TRIO: variants seen among roughly 807,000 people sequenced by gnomAD.
TRIO encodes the protein triple functional domain protein.
A neutral mutation model predicts 351.9 loss-of-function variants in TRIO; 58 were observed. The observed-to-expected ratio is 0.16, with a 90% confidence interval of 0.13 to 0.21. The LOEUF (loss-of-function observed/expected upper bound fraction) is 0.21, where lower values mean the gene tolerates loss of function less well. Among genes scored for constraint, TRIO ranks in the 10% least tolerant of loss-of-function variants. The pLI is 1.00. For synonymous variants in TRIO, 1,758 were observed against 1,595.7 expected (o/e 1.10, Z -2.42); for missense variants, 3,201 against 4,027.8 (o/e 0.79, Z 5.56).
At chr5:14,282,882 G>A (rs551963911) in intron 3 of TRIO, among the ~76,000 whole-genome samples, 16 of 152,264 alleles carry the variant, frequency 1.1e-4, no homozygotes, top group Admixed American at 2.0e-4. Context: ...CTCGATTAAT[G>A]AGCAAATAAG....
intron 1 of TRIO, among the ~76,000 whole-genome samples, chr5:14,204,809 T>G (rs1378908676): frequency 6.6e-6 from 1 of 152,182 alleles, no homozygotes; most frequent in Non-Finnish European, 1.5e-5. Flanking sequence ...TGACTCTGTT[T>G]CCTCACTGTA....
chr5:14,337,781 C>G (rs1432720041), intron 11 of TRIO, among the ~76,000 whole-genome samples: 1 of 152,112 alleles, frequency 6.6e-6, no homozygotes, highest in Non-Finnish European at 1.5e-5. Context: ...TGCAGGCTTC[C>G]CTCTGAAACC....
chr5:14,268,091 T>G (rs1278535718), intron 1 of TRIO, among the ~76,000 whole-genome samples: 1 of 152,200 alleles, frequency 6.6e-6, no homozygotes, highest in African/African-American at 2.4e-5. Context: ...TGAGTCTTCC[T>G]TAATTTGGGG....
Position 14,498,194 on chromosome 5 carries a change from G to C in TRIO, c.8153G>C (p.Trp2718Ser), listed in dbSNP as rs1369497590. Residue 2718 changes from tryptophan to serine, a missense_variant, in exon 52 of 57, where the codon TGG becomes TCG. This residue lies in a region of TRIO where 1,089 missense variants were observed against 954.9 expected (regional missense o/e 1.14). Coordinates refer to ENST00000344204, the MANE Select transcript of TRIO (RefSeq NM_007118.4). ...VCGRPKASIT[W>S]KGPEHNTLNN... ...GGCCGCCCCAAAGCCTCAATTACCT[G>C]GAAGGGCCCTGAACACAACACCTTG... 1 of 1,614,086 alleles carries C rather than the reference G, an allele frequency of 6.2e-7. No homozygotes were observed. Among genetic ancestry groups the C allele is most frequent in the Non-Finnish European group, 8.5e-7 (1 of 1,180,056 alleles).
At chr5:14,232,733 G>A (rs954196550) in intron 1 of TRIO, among the ~76,000 whole-genome samples, 1 of 152,160 alleles carries the variant, frequency 6.6e-6, no homozygotes, top group African/African-American at 2.4e-5. Context: ...CATTAAGTTA[G>A]AAAAGAATTG....
chr5:14,498,410 C>T, intron 52 of TRIO, 109 bp from the exon 53 acceptor site: 3 of 1,518,924 alleles, frequency 2.0e-6, no homozygotes, highest in East Asian at 4.9e-5. Flanking sequence ...TACAGCTCCT[C>T]ATCAGCACTT....
intron 36 of TRIO, 76 bp from the exon 37 acceptor site, chr5:14,465,469 A>C: frequency 7.2e-7 from 1 of 1,390,732 alleles, no homozygotes; most frequent in Non-Finnish European, 1.0e-6. Context: ...TGGAGCTTGC[A>C]GGGGAATTTA....
At chr5:14,150,331 G>A (rs1452924234) in intron 1 of TRIO, among the ~76,000 whole-genome samples, 1 of 152,024 alleles carries the variant, frequency 6.6e-6, no homozygotes, top group East Asian at 1.9e-4. Context: ...TGGCTACAAG[G>A]GGGCAGGAGG....
chr5:14,337,616 G>A (rs1741543736), intron 11 of TRIO, among the ~76,000 whole-genome samples: 1 of 152,288 alleles, frequency 6.6e-6, no homozygotes, highest in South Asian at 2.1e-4. Context: ...GACTACTGGG[G>A]AAAGAGGGGA....
chr5:14,399,093 G>C, intron 30 of TRIO, 23 bp downstream of exon 30: 1 of 1,606,162 alleles, frequency 6.2e-7, no homozygotes, highest in Non-Finnish European at 8.5e-7. Context: ...GTTCAGAATT[G>C]TAAGTCTAAA....
intron 33 of TRIO, among the ~76,000 whole-genome samples, chr5:14,415,666 C>G (rs181924697): frequency 6.6e-6 from 1 of 152,148 alleles, no homozygotes; most frequent in Non-Finnish European, 1.5e-5. Context: ...GTATTTCATT[C>G]TCTCGGGTGA....
At chr5:14,255,854 G>T (rs1794994650) in intron 1 of TRIO, among the ~76,000 whole-genome samples, 1 of 152,140 alleles carries the variant, frequency 6.6e-6, no homozygotes, top group Non-Finnish European at 1.5e-5. Flanking sequence ...GGAATTTGGA[G>T]CATTTCTGAT....
At chr5:14,362,472 A>C (rs1204257712) in intron 13 of TRIO, among the ~76,000 whole-genome samples, 1 of 152,042 alleles carries the variant, frequency 6.6e-6, no homozygotes, top group African/African-American at 2.4e-5. Context: ...CTTAATCTAG[A>C]ATTGTCTCTC....
chr5:14,442,556 T>C (rs1752145794), intron 34 of TRIO, among the ~76,000 whole-genome samples: 1 of 152,186 alleles, frequency 6.6e-6, no homozygotes, highest in African/African-American at 2.4e-5. Flanking sequence ...ACTCCTTGTA[T>C]TTTTGTTCAC....
chr5:14,323,140 G>A (rs1037619477), intron 9 of TRIO, among the ~76,000 whole-genome samples: 11 of 152,052 alleles, frequency 7.2e-5, no homozygotes, highest in Non-Finnish European at 1.0e-4. Flanking sequence ...GTGAATGCTA[G>A]ACCTCAAAAG....
At position 14,280,220 on chromosome 5, in the gene TRIO, G is replaced by T. The variant is rs1331592061; in HGVS notation, c.233-102G>T. 5 of 1,083,016 alleles carry T rather than the reference G, an allele frequency of 4.6e-6. No homozygotes were observed. In the Admixed American group the frequency reaches 5.8e-5, roughly 12 times the overall value. The allele number at this position is 1,083,016 out of a possible 1,614,324, so 67.1% of individuals were successfully genotyped here. A position where few individuals can be genotyped will look rare whatever the true frequency, so the allele number is the denominator to read the frequency against. On this transcript the variant is annotated intron_variant, in intron 2 of 56. Transcript: ENST00000344204. Reference sequence around the variant, plus strand: ...AAGGACTTCTGCCCTGTGCAAATTTGTGTAGTTGCTTTAGGAATAATTTTG... The same window carrying T: ...AAGGACTTCTGCCCTGTGCAAATTTTTGTAGTTGCTTTAGGAATAATTTTG...
chr5:14,495,132 T>A (rs2126670364), intron 49 of TRIO, among the ~76,000 whole-genome samples: 1 of 152,310 alleles, frequency 6.6e-6, no homozygotes, highest in South Asian at 2.1e-4. Context: ...TTGAAGGTTT[T>A]AAGACTTCAG....
At chr5:14,267,504 A>G (rs1225647010) in intron 1 of TRIO, among the ~76,000 whole-genome samples, 1 of 152,176 alleles carries the variant, frequency 6.6e-6, no homozygotes. Context: ...TGAAGAAAGT[A>G]TTAGGAGTTG....
intron 8 of TRIO, among the ~76,000 whole-genome samples, chr5:14,312,413 T>G (rs1477184940): frequency 6.6e-6 from 1 of 152,262 alleles, no homozygotes; most frequent in Non-Finnish European, 1.5e-5. Context: ...TGAACTCATT[T>G]GGATATCAGA....
Sources: gnomAD v4.1 joint callset for allele counts (sites outside exome capture counted in the v4.1 genomes callset) on GRCh38, gnomAD v4.1.1 for gene constraint, gnomAD v4.1.1 regional missense constraint, MANE v1.5 for transcripts, NCBI Gene and HGNC (gene_info 2026-07-23, HGNC 2026-07-21) for gene names.